The following APOD variants were observed in gnomAD, a reference collection of about 807,000 sequenced individuals.
The protein encoded by APOD is apolipoprotein D.
APOD carries 22 observed loss-of-function variants against 20.4 expected under a neutral mutation model. That is an observed-to-expected ratio of 1.08 (90% confidence interval 0.77 to 1.54). APOD has a LOEUF of 1.54. Among genes scored for constraint, APOD ranks in the 40% most tolerant of loss-of-function variants. The probability of loss-of-function intolerance (pLI) is 0.00; values close to 1 mark genes in which losing one functional copy is unlikely to be tolerated. For missense variants in APOD, 223 were observed against 229.6 expected, an observed-to-expected ratio of 0.97 and a Z score of 0.19; for synonymous variants, 97 against 92.4, an observed-to-expected ratio of 1.05 and a Z score of -0.29.
intron 2 of APOD, among the ~76,000 whole-genome samples, chr3:195,574,707 G>A (rs901388599): frequency 3.3e-5 from 5 of 152,190 alleles, no homozygotes; most frequent in African/African-American, 1.2e-4. Context: ...TGATGTATGT[G>A]TAAAGTTATT....
chr3:195,575,377 A>G (rs1168755757), intron 2 of APOD, among the ~76,000 whole-genome samples: 1 of 152,340 alleles, frequency 6.6e-6, no homozygotes, highest in Admixed American at 6.5e-5. Flanking sequence ...CCCTTTTCCC[A>G]TGCAAAGTAA....
At chr3:195,577,169 A>C (rs752671586) in intron 2 of APOD, 18 of 351,562 alleles carry the variant, frequency 5.1e-5, no homozygotes, top group Non-Finnish European at 5.4e-6. Context: ...CCTGGGTGAC[A>C]AAGTGAGACT....
chr3:195,574,431 G>A (rs116035391), intron 2 of APOD, among the ~76,000 whole-genome samples: 1 of 152,114 alleles, frequency 6.6e-6, no homozygotes, highest in Non-Finnish European at 1.5e-5. Context: ...GATTTGAAAG[G>A]TCTGTATCAT....
intron 1 of APOD, chr3:195,582,825 T>A (rs779747907): frequency 6.6e-6 from 1 of 151,038 alleles, no homozygotes; most frequent in Non-Finnish European, 1.5e-5. Context: ...CCCAGCTACT[T>A]GGGAGGCTGA....
At chr3:195,572,101 G>T (rs1390096104) in intron 3 of APOD, among the ~76,000 whole-genome samples, 4 of 152,184 alleles carry the variant, frequency 2.6e-5, no homozygotes, top group Admixed American at 1.3e-4. Flanking sequence ...TTTTTAAAAC[G>T]AGAAGGGCCA....
At chr3:195,577,428 A>G (rs1219058259) in intron 2 of APOD, among the ~76,000 whole-genome samples, 1 of 152,236 alleles carries the variant, frequency 6.6e-6, no homozygotes, top group Non-Finnish European at 1.5e-5. Flanking sequence ...TTCAGATTTA[A>G]TGCAATCTGT....
At chr3:195,582,147 T>C (rs1577607693) in intron 1 of APOD, among the ~76,000 whole-genome samples, 1 of 152,126 alleles carries the variant, frequency 6.6e-6, no homozygotes. Context: ...TGAGCTGAGA[T>C]TGCATCATTG....
intron 1 of APOD, among the ~76,000 whole-genome samples, chr3:195,579,980 T>G (rs1018808299): frequency 1.3e-5 from 2 of 152,174 alleles, no homozygotes; most frequent in African/African-American, 4.8e-5. Flanking sequence ...TTCAGGGAGA[T>G]GCCTCTCTGA....
chr3:195,569,785 C>CTTTTTTTTT (rs1560457392), intron 4 of APOD, among the ~76,000 whole-genome samples: 3 of 86,888 alleles, frequency 3.5e-5, no homozygotes, highest in African/African-American at 1.4e-4. Context: ...TCTTCTTCTT[C>CTTTTTTTTT]GTTTTTTTTT....
chr3:195,573,945 C>T lies in APOD; in HGVS notation c.150G>A (p.Glu50=). The T allele has an allele frequency of 6.2e-7, 1 of 1,614,188 alleles. No homozygotes were observed. The highest frequency in any genetic ancestry group is 8.5e-7 in the Non-Finnish European group (1 of 1,180,022). ...CATTCTCAAAGGTTGTTGGGATCTT[C>T]TCAATTTCGTACCATCTTCCGAGAT... ...NKYLGRWYEI[E]KIPTTFENGR... is the part of the protein sequence containing the mutation. Residue 50 remains glutamate (E), a synonymous_variant, in exon 3 of 5, where the codon GAG becomes GAA. Transcript: ENST00000343267.
chr3:195,582,211 C>A (rs556338388), intron 1 of APOD, among the ~76,000 whole-genome samples: 1 of 152,002 alleles, frequency 6.6e-6, no homozygotes, highest in Admixed American at 6.6e-5. Context: ...AGCAAACAAA[C>A]AACAACAACA....
chr3:195,572,781 G>GC (rs1048777094), intron 3 of APOD, among the ~76,000 whole-genome samples: 4 of 152,080 alleles, frequency 2.6e-5, no homozygotes, highest in Non-Finnish European at 4.4e-5. Context: ...GGAGGCCAAG[G>GC]GGGGGCGGAT....
At chr3:195,575,556 T>G (rs891712466) in intron 2 of APOD, among the ~76,000 whole-genome samples, 1 of 152,212 alleles carries the variant, frequency 6.6e-6, no homozygotes, top group African/African-American at 2.4e-5. Flanking sequence ...GGAGGGAAAC[T>G]TTATGTGGTG....
intron 1 of APOD, among the ~76,000 whole-genome samples, chr3:195,582,248 G>A (rs548272686): frequency 2.6e-5 from 4 of 152,102 alleles, no homozygotes; most frequent in Admixed American, 6.5e-5. Context: ...GAGAAAGGGC[G>A]GACAGCATCC....
chr3:195,568,725 A>T lies in APOD; in HGVS notation c.*175T>A. 11 of 610,888 alleles carry T rather than the reference A, an allele frequency of 1.8e-5. No homozygotes were observed. The highest frequency in any genetic ancestry group is 3.2e-5 in the Non-Finnish European group (11 of 342,124). The allele number at this position is 610,888 out of a possible 1,614,324, so 37.8% of individuals were successfully genotyped here. A position where few individuals can be genotyped will look rare whatever the true frequency, so the allele number is the denominator to read the frequency against. ...CCAACTTGGAATCTACTGCGAGCAC[A>T]GCAGGTCAGCAACAAGTTTATTTTG... On this transcript the variant is annotated 3_prime_UTR_variant, in exon 5 of 5. Coordinates refer to ENST00000343267, the MANE Select transcript of APOD (RefSeq NM_001647.4).
chr3:195,579,484 A>AG lies in APOD; in HGVS notation c.-24dup, dbSNP rs1720299651. On this transcript the variant is annotated 5_prime_UTR_variant, in exon 2 of 5. Transcript: ENST00000343267. ...CATCTTGGGGCTGGGTGGCTGGAGA[A>AG]GGGACCTGGAGCTGCGGGAACGCAA... The AG allele has an allele frequency of 2.5e-6, 4 of 1,609,584 alleles. No individual in the cohort carries two copies. The highest frequency in any genetic ancestry group is 3.4e-6 in the Non-Finnish European group (4 of 1,179,916).
intron 4 of APOD, among the ~76,000 whole-genome samples, chr3:195,569,786 G>GTTTTTTTTTTTTTT (rs543541862): frequency 3.7e-5 from 2 of 54,044 alleles, no homozygotes; most frequent in African/African-American, 1.7e-4. Flanking sequence ...CTTCTTCTTC[G>GTTTTTTTTTTTTTT]TTTTTTTTTT....
intron 1 of APOD, among the ~76,000 whole-genome samples, chr3:195,581,710 C>T (rs1230484828): frequency 2.6e-5 from 4 of 152,230 alleles, no homozygotes; most frequent in African/African-American, 9.6e-5. Flanking sequence ...TGAGTCTCAC[C>T]ACCACATGAC....
chr3:195,574,469 C>T (rs531618319), intron 2 of APOD, among the ~76,000 whole-genome samples: 5 of 152,142 alleles, frequency 3.3e-5, no homozygotes, highest in Admixed American at 2.0e-4. Context: ...GCGCTCAGTC[C>T]AGACTTCAGG....
Sources: allele counts gnomAD v4.1 joint callset (sites outside exome capture counted in the v4.1 genomes callset), GRCh38; gene constraint gnomAD v4.1.1; transcripts MANE v1.5; gene names NCBI Gene and HGNC (gene_info 2026-07-23, HGNC 2026-07-21).